The following CHSY1 variants were observed in gnomAD, a reference collection of about 807,000 sequenced individuals.
CHSY1 encodes the protein chondroitin sulfate synthase 1.
CHSY1 carries 13 observed loss-of-function variants against 59.8 expected under a neutral mutation model. The observed-to-expected ratio is 0.22, with a 90% CI of 0.14 to 0.35. The LOEUF is 0.35. CHSY1 is among the 10% of genes least tolerant of loss of function. The pLI is 1.00. For synonymous variants in CHSY1, 459 were observed against 401.2 expected (o/e 1.14, Z -1.72); for missense variants, 947 against 1,030.6 (o/e 0.92, Z 1.11).
chr15:101,226,968 G>C (rs561055470), intron 2 of CHSY1, among the ~76,000 whole-genome samples: 1 of 152,210 alleles, frequency 6.6e-6, no homozygotes, highest in African/African-American at 2.4e-5. Flanking sequence ...AAATGGCAGA[G>C]TGAAGACCTC....
In CHSY1 at chr15:101,185,412, A is replaced by ACCCTCCATGGAGC. The variant is rs879788217; in HGVS notation, c.817-6433_817-6432insGCTCCATGGAGGG. ...GCCAGCCCTTGCTCTGAGTGTGAAC[A>ACCCTCCATGGAGC]ACCTCCATGGAGCACCCTCCATCCT... On this transcript the variant is annotated intron_variant, in intron 2 of 2. Transcript: ENST00000254190. Among the ~76,000 whole-genome samples the ACCCTCCATGGAGC allele has an allele frequency of 1.1e-4, 13 of 115,006 alleles. 3 individuals carry two copies. The highest frequency in any genetic ancestry group is 2.8e-4 in the African/African-American group (8 of 28,440). The allele number at this position is 115,006 out of a possible 152,430, so 75.4% of individuals were successfully genotyped here.
In CHSY1 at chr15:101,252,045, G is replaced by A. The variant is rs1359061255; in HGVS notation, c.-589C>T. ...CGCGCCGCGCGATTGGCGCAAAAGT[G>A]AATGAGGGGCGGTTCACGTGGCCGA... On this transcript the variant is annotated 5_prime_UTR_variant, in exon 1 of 3. Transcript: ENST00000254190. 1.1e-4 allele frequency: 16 copies of A among 149,852 alleles called. No individual in the cohort carries two copies. The highest frequency in any genetic ancestry group is 3.9e-4 in the African/African-American group (16 of 40,822). 9.3% of individuals were successfully genotyped at this position (149,852 alleles called of 1,614,324 possible). A position where few individuals can be genotyped will look rare whatever the true frequency, so the allele number is the denominator to read the frequency against.
chr15:101,182,568 TGA>T (rs779470866), intron 2 of CHSY1, among the ~76,000 whole-genome samples: 3 of 152,208 alleles, frequency 2.0e-5, no homozygotes, highest in African/African-American at 4.8e-5. Context: ...CACAAGGTGG[TGA>T]GGTGCAAGTC....
chr15:101,195,928 A>T (rs2038501677), intron 2 of CHSY1, among the ~76,000 whole-genome samples: 1 of 151,986 alleles, frequency 6.6e-6, no homozygotes, highest in Non-Finnish European at 1.5e-5. Context: ...CCAGTTAGTT[A>T]ATATAAATTA....
intron 2 of CHSY1, among the ~76,000 whole-genome samples, chr15:101,218,784 G>A (rs2038760280): frequency 6.6e-6 from 1 of 152,136 alleles, no homozygotes; most frequent in African/African-American, 2.4e-5. Flanking sequence ...AGGCCCAACA[G>A]CTGTCACTTG....
chr15:101,207,165 T>C (rs528477610), intron 2 of CHSY1, among the ~76,000 whole-genome samples: 8 of 152,370 alleles, frequency 5.3e-5, no homozygotes, highest in Admixed American at 2.6e-4. Context: ...AAATGTTTTT[T>C]ATATTAACAC....
rs1363521065 is a variant in CHSY1 at position 101,251,339 on chromosome 15, G to C, written c.118C>G (p.Arg40Gly). The change falls in exon 1 of 3, where the codon CGG becomes GGG. Residue 40 changes from arginine to glycine, a missense_variant. By Grantham distance (125) the Arg-to-Gly change is moderately radical. Transcript: ENST00000254190. ...CAGCCCTCGGGGCTGGCGCGGCGCC[G>C]TGGGCCCGCTCGCTTCAGCTCGGAA... Reference protein sequence around the residue: ...RASELKRAGPRRRASPEGCRS... With the variant: ...RASELKRAGPGRRASPEGCRS... 2 of 1,139,874 alleles carry C rather than the reference G, an allele frequency of 1.8e-6. No homozygotes were observed. The highest frequency in any genetic ancestry group is 1.1e-6 in the Non-Finnish European group (1 of 914,972). The allele number at this position is 1,139,874 out of a possible 1,614,324, so 70.6% of individuals were successfully genotyped here.
intron 1 of CHSY1, among the ~76,000 whole-genome samples, chr15:101,243,565 G>A (rs1487406608): frequency 6.6e-6 from 1 of 152,114 alleles, no homozygotes; most frequent in African/African-American, 2.4e-5. Context: ...TCCCACACAC[G>A]CGCCTCCCAG....
intron 2 of CHSY1, among the ~76,000 whole-genome samples, chr15:101,211,428 G>C (rs1047952427): frequency 2.0e-5 from 3 of 152,168 alleles, no homozygotes; most frequent in African/African-American, 7.2e-5. Context: ...AGAGATCTTA[G>C]AGTGAAAAAG....
chr15:101,234,403 A>G (rs72768580), intron 2 of CHSY1, among the ~76,000 whole-genome samples: 17,455 of 152,198 alleles, frequency 0.11, 1,124 homozygotes, highest in Middle Eastern at 0.19. Context: ...AGGCCTTTGC[A>G]AAAACAAATA....
chr15:101,192,525 C>G (rs2038457396), intron 2 of CHSY1, among the ~76,000 whole-genome samples: 1 of 152,156 alleles, frequency 6.6e-6, no homozygotes, highest in African/African-American at 2.4e-5. Context: ...CCCCCCACTC[C>G]CAAACAATAT....
intron 1 of CHSY1, among the ~76,000 whole-genome samples, chr15:101,241,059 T>C (rs2038996277): frequency 6.6e-6 from 1 of 152,164 alleles, no homozygotes; most frequent in Non-Finnish European, 1.5e-5. Context: ...TTCACCGTGG[T>C]TATTTTTGGA....
chr15:101,232,724 G>C (rs1489298794), intron 2 of CHSY1, among the ~76,000 whole-genome samples: 1 of 152,196 alleles, frequency 6.6e-6, no homozygotes, highest in African/African-American at 2.4e-5. Flanking sequence ...ACTCTATCCA[G>C]AATAAAGCAC....
chr15:101,198,072 C>A (rs1282819085), intron 2 of CHSY1, among the ~76,000 whole-genome samples: 1 of 152,080 alleles, frequency 6.6e-6, no homozygotes, highest in Non-Finnish European at 1.5e-5. Context: ...CTGACTCCGG[C>A]TATCGGGCCT....
intron 2 of CHSY1, among the ~76,000 whole-genome samples, chr15:101,212,217 G>C (rs1232364036): frequency 2.6e-5 from 4 of 152,198 alleles, no homozygotes; most frequent in South Asian, 2.1e-4. Flanking sequence ...GCTGTTGGGA[G>C]TTAATAAGAT....
intron 2 of CHSY1, among the ~76,000 whole-genome samples, chr15:101,213,025 C>G (rs2038697328): frequency 6.6e-6 from 1 of 151,518 alleles, no homozygotes; most frequent in African/African-American, 2.4e-5. Context: ...TAATACTTGA[C>G]AAAAATGAAG....
In CHSY1 at chr15:101,237,222, T is replaced by TAAA. The variant is rs56731913; in HGVS notation, c.321-1648_321-1646dup. 4.8e-3 allele frequency among the ~76,000 whole-genome samples: 276 copies of TAAA among 57,378 alleles called. 6 individuals are homozygous for TAAA. The highest frequency in any genetic ancestry group is 0.015 in the African/African-American group (256 of 17,178). 37.6% of individuals were successfully genotyped at this position (57,378 alleles called of 152,430 possible). ...CTGGACAAAAGAGCAAGACTCCATC[T>TAAA]AAAAAAAAAAAAAAAAAAAAAAAAA... On this transcript the variant is annotated intron_variant, in intron 1 of 2. Coordinates refer to ENST00000254190, the MANE Select transcript of CHSY1 (RefSeq NM_014918.5).
intron 2 of CHSY1, among the ~76,000 whole-genome samples, chr15:101,179,280 G>A (rs1471486982): frequency 6.6e-6 from 1 of 152,164 alleles, no homozygotes; most frequent in Non-Finnish European, 1.5e-5. Flanking sequence ...TGCACCACAG[G>A]AGCATGCCTG....
Position 101,239,822 on chromosome 15 carries a change from A to G in CHSY1, c.321-4245T>C, listed in dbSNP as rs1424837800. Among the ~76,000 whole-genome samples, 3 of 151,606 alleles carry G rather than the reference A, an allele frequency of 2.0e-5. No homozygotes were observed. In the East Asian group the frequency reaches 5.8e-4, roughly 29 times the overall value. Reference sequence around the variant, plus strand: ...AAATTTCACGAGCATTTCGCGGTAGAGCACGAGAAACTTCCCTACTAGACT... The same window carrying G: ...AAATTTCACGAGCATTTCGCGGTAGGGCACGAGAAACTTCCCTACTAGACT... On this transcript the variant is annotated intron_variant, in intron 1 of 2. Coordinates refer to ENST00000254190, the MANE Select transcript of CHSY1 (RefSeq NM_014918.5).
Sources: gnomAD v4.1 joint callset for allele counts (sites outside exome capture counted in the v4.1 genomes callset) on GRCh38, gnomAD v4.1.1 for gene constraint, MANE v1.5 for transcripts, NCBI Gene and HGNC (gene_info 2026-07-23, HGNC 2026-07-21) for gene names.